The following PCSK5 variants were observed in gnomAD, a reference collection of about 807,000 sequenced individuals.
The protein encoded by PCSK5 is proprotein convertase subtilisin/kexin type 5, also known as prohormone convertase 5.
PCSK5 carries 129 observed loss-of-function variants against 233.2 expected under a neutral mutation model. The ratio of observed to expected loss-of-function variants is 0.55; its 90% CI spans 0.48 to 0.64. The LOEUF is 0.64. PCSK5 is among the 30% of genes least tolerant of loss of function. The probability of loss-of-function intolerance (pLI) is 0.00; values close to 1 mark genes in which losing one functional copy is unlikely to be tolerated. For missense variants in PCSK5, 2,076 were observed against 2,430.1 expected, an observed-to-expected ratio of 0.85 and a Z score of 3.06; for synonymous variants, 825 against 879.2, an observed-to-expected ratio of 0.94 and a Z score of 1.09.
chr9:76,229,051 G>A (rs201585143), intron 21 of PCSK5, among the ~76,000 whole-genome samples: 486 of 152,246 alleles, frequency 3.2e-3, no homozygotes, highest in African/African-American at 0.011. Flanking sequence ...AAAGAAGGAA[G>A]GAGAAAGGAC....
intron 20 of PCSK5, among the ~76,000 whole-genome samples, chr9:76,222,545 C>T (rs1825761385): frequency 1.3e-5 from 2 of 152,162 alleles, no homozygotes; most frequent in Admixed American, 6.5e-5. Flanking sequence ...TCTACTTTGT[C>T]TCTATCACTT....
intron 7 of PCSK5, among the ~76,000 whole-genome samples, chr9:76,092,536 T>C (rs1831338611): frequency 1.3e-5 from 2 of 152,184 alleles, no homozygotes; most frequent in South Asian, 4.1e-4. Context: ...AAGCCAGGAA[T>C]ATAGGCACAT....
intron 1 of PCSK5, among the ~76,000 whole-genome samples, chr9:75,906,174 G>C (rs1479220120): frequency 6.6e-6 from 1 of 152,170 alleles, no homozygotes; most frequent in Non-Finnish European, 1.5e-5. Context: ...CCAAGGGTGA[G>C]AGAACTCATT....
chr9:76,216,010 C>G (rs1462493191), intron 20 of PCSK5, among the ~76,000 whole-genome samples: 1 of 152,106 alleles, frequency 6.6e-6, no homozygotes, highest in East Asian at 1.9e-4. Flanking sequence ...TTTGAAGGCA[C>G]TGCAATCGGC....
chr9:76,298,122 A>C (rs1210258859), intron 27 of PCSK5, among the ~76,000 whole-genome samples: 1 of 152,154 alleles, frequency 6.6e-6, no homozygotes, highest in East Asian at 1.9e-4. Context: ...TTCTAGCTGA[A>C]CATCTGTATT....
At chr9:76,106,859 T>C (rs1250182581) in intron 8 of PCSK5, among the ~76,000 whole-genome samples, 1 of 152,230 alleles carries the variant, frequency 6.6e-6, no homozygotes, top group Non-Finnish European at 1.5e-5. Context: ...CTGGATTTGA[T>C]ACAATGTGCT....
At chr9:76,315,641 ACTT>A (rs1467099225) in intron 30 of PCSK5, among the ~76,000 whole-genome samples, 107 of 139,120 alleles carry the variant, frequency 7.7e-4, no homozygotes, top group Admixed American at 2.1e-3. Flanking sequence ...GGAGAAGACT[ACTT>A]TTTTTTTTTT....
chr9:76,020,573 A>C (rs947592982), intron 3 of PCSK5, among the ~76,000 whole-genome samples: 4 of 152,168 alleles, frequency 2.6e-5, no homozygotes, highest in Non-Finnish European at 5.9e-5. Context: ...CATCAGTTGG[A>C]TATTTCTTCT....
chr9:75,891,539 A>G (rs1471652426), intron 1 of PCSK5, among the ~76,000 whole-genome samples, 166 bp downstream of exon 1: 61 of 147,962 alleles, frequency 4.1e-4, no homozygotes, highest in African/African-American at 1.3e-3. Flanking sequence ...ACGCACACAC[A>G]CACACACACA....
intron 5 of PCSK5, among the ~76,000 whole-genome samples, chr9:76,062,316 T>C (rs1185482292): frequency 6.6e-6 from 1 of 152,036 alleles, no homozygotes; most frequent in Non-Finnish European, 1.5e-5. Flanking sequence ...GTTCCAAATA[T>C]CAAATTTGGA....
At chr9:76,085,226 T>C (rs1042576280) in intron 7 of PCSK5, among the ~76,000 whole-genome samples, 10 of 152,214 alleles carry the variant, frequency 6.6e-5, no homozygotes, top group African/African-American at 2.4e-4. Context: ...AGATCTTCTC[T>C]GAGTTCCTGG....
At chr9:76,292,096 C>T in intron 24 of PCSK5, 137 bp from the exon 25 acceptor site, 1 of 618,234 alleles carries the variant, frequency 1.6e-6, no homozygotes, top group South Asian at 2.1e-5. Flanking sequence ...ACAATCTGTT[C>T]AAATATTATT....
At chr9:76,281,099 G>A (rs866542142) in intron 24 of PCSK5, among the ~76,000 whole-genome samples, 11 of 152,350 alleles carry the variant, frequency 7.2e-5, no homozygotes, top group South Asian at 2.1e-4. Context: ...ATAAAAGTGC[G>A]AGGTGAAGCA....
At chr9:76,267,245 G>A (rs1827361221) in intron 24 of PCSK5, among the ~76,000 whole-genome samples, 1 of 152,152 alleles carries the variant, frequency 6.6e-6, no homozygotes, top group South Asian at 2.1e-4. Flanking sequence ...AAGGAAAATA[G>A]AAGTGCTTTC....
At chr9:76,064,892 G>A (rs1830227281) in intron 5 of PCSK5, among the ~76,000 whole-genome samples, 1 of 152,224 alleles carries the variant, frequency 6.6e-6, no homozygotes, top group Non-Finnish European at 1.5e-5. Context: ...TCCCTATCTT[G>A]CCTAGGCTGG....
At chr9:76,101,782 G>A (rs546144488) in intron 8 of PCSK5, among the ~76,000 whole-genome samples, 118 of 152,224 alleles carry the variant, frequency 7.8e-4, no homozygotes, top group Non-Finnish European at 1.6e-3. Flanking sequence ...AATTCCATGT[G>A]GAGGAATTAT....
At chr9:76,332,349 C>A in intron 33 of PCSK5, 84 bp from the exon 34 acceptor site, 1 of 980,702 alleles carries the variant, frequency 1.0e-6, no homozygotes, top group African/African-American at 1.6e-5. Context: ...CTCCTCCCTC[C>A]CGCCATGGTA....
intron 34 of PCSK5, among the ~76,000 whole-genome samples, chr9:76,337,836 G>A (rs2842493): frequency 0.69 from 103,976 of 150,788 alleles, 36,485 homozygotes; most frequent in South Asian, 0.8. Context: ...ACCCATCTCT[G>A]TTTTAAAAAA....
intron 14 of PCSK5, among the ~76,000 whole-genome samples, chr9:76,176,063 T>C (rs1207810614): frequency 3.3e-5 from 5 of 152,128 alleles, no homozygotes; most frequent in African/African-American, 1.2e-4. Flanking sequence ...TGGTCTCAGA[T>C]ATAACACTGA....
Sources: gnomAD v4.1 joint callset for allele counts (sites outside exome capture counted in the v4.1 genomes callset) on GRCh38, gnomAD v4.1.1 for gene constraint, MANE v1.5 for transcripts, NCBI Gene and HGNC (gene_info 2026-07-23, HGNC 2026-07-21) for gene names.